Variants in CFAP300 observed in about 807,000 individuals in gnomAD.
The protein encoded by CFAP300 is cilia and flagella associated protein 300.
In CFAP300, 32 loss-of-function variants were observed where a neutral mutation model predicts 33.0. That is an observed-to-expected ratio of 0.97 (90% CI 0.73 to 1.30). The LOEUF is 1.30. CFAP300 is among the 50% of genes most tolerant of loss of function. The pLI is 0.00. For missense variants in CFAP300, 356 were observed against 318.1 expected, an observed-to-expected ratio of 1.12 and a Z score of -0.90; for synonymous variants, 102 against 106.8, an observed-to-expected ratio of 0.95 and a Z score of 0.28.
At chr11:102,060,239 C>G (rs1942129096) in intron 3 of CFAP300, among the ~76,000 whole-genome samples, 1 of 151,500 alleles carries the variant, frequency 6.6e-6, no homozygotes, top group East Asian at 1.9e-4. Context: ...TCCCAAAGTG[C>G]TGAGATTACA....
intron 6 of CFAP300, 88 bp downstream of exon 6, chr11:102,081,369 T>TG: frequency 9.8e-7 from 1 of 1,020,870 alleles, no homozygotes; most frequent in Non-Finnish European, 1.5e-6. Flanking sequence ...ATCAGGACAA[T>TG]GTTATGCCTA....
intron 4 of CFAP300, among the ~76,000 whole-genome samples, chr11:102,074,382 T>C (rs1942366269): frequency 6.6e-6 from 1 of 152,132 alleles, no homozygotes; most frequent in Admixed American, 6.5e-5. Flanking sequence ...GCTGGGGTCT[T>C]TCACTTACCA....
intron 4 of CFAP300, among the ~76,000 whole-genome samples, chr11:102,073,407 G>A (rs894129017): frequency 2.6e-5 from 4 of 152,180 alleles, no homozygotes; most frequent in Admixed American, 2.0e-4. Context: ...GTGGTGGAGG[G>A]GACGGGGCAA....
Position 102,047,525 on chromosome 11 carries a change from C to G in CFAP300, c.55C>G (p.Gln19Glu). 2 of 1,536,018 alleles carry G rather than the reference C, an allele frequency of 1.3e-6. No individual in the cohort carries two copies. The highest frequency in any genetic ancestry group is 1.7e-6 in the Non-Finnish European group (2 of 1,146,804). Residue 19 changes from glutamine (Q) to glutamate (E), a missense_variant, in exon 1 of 7, where the codon CAG (glutamine) becomes GAG (glutamate). Gln to Glu is a conservative substitution (Grantham distance 29). Transcript: ENST00000434758. ...LGGYYFRFLP[Q>E]KTFQSLSSKE... ...TGGCTACTACTTCAGGTTCTTGCCT[C>G]AGAAAACCTTCCAGTCTCTGAGCTC...
chr11:102,071,802 A>G (rs746538778), intron 4 of CFAP300, among the ~76,000 whole-genome samples: 1 of 152,148 alleles, frequency 6.6e-6, no homozygotes, highest in Non-Finnish European at 1.5e-5. Context: ...ACTGGCCTGT[A>G]AGGTTTCTTC....
At chr11:102,050,468 A>G (rs1334294746) in intron 2 of CFAP300, among the ~76,000 whole-genome samples, 1 of 152,234 alleles carries the variant, frequency 6.6e-6, no homozygotes, top group Non-Finnish European at 1.5e-5. Context: ...AAAACAAATT[A>G]TGTTCCAAAA....
chr11:102,066,150 T>G (rs1469576125), intron 3 of CFAP300, among the ~76,000 whole-genome samples: 2 of 152,016 alleles, frequency 1.3e-5, no homozygotes, highest in Non-Finnish European at 1.5e-5. Flanking sequence ...AATTTTTGTA[T>G]TTTTAGTAGA....
rs976935240 is a variant in CFAP300, at chr11:102,083,583, A to G, written c.*384A>G. 6.5e-6 allele frequency: 1 copy of G among 153,506 alleles called. No individual in the cohort carries two copies. Among genetic ancestry groups the G allele is most frequent in the African/African-American group, 2.4e-5 (1 of 41,528 alleles). The allele number at this position is 153,506 out of a possible 1,614,324, so 9.5% of individuals were successfully genotyped here. On this transcript the variant is annotated 3_prime_UTR_variant, in exon 7 of 7. Transcript: ENST00000434758. ...AAACTAAACATGTCTACCACTGATC[A>G]TTAATATGAATTGTTAGTTTATTTA...
chr11:102,076,314 A>G (rs1565397666), intron 5 of CFAP300, among the ~76,000 whole-genome samples: 1 of 152,140 alleles, frequency 6.6e-6, no homozygotes, highest in Non-Finnish European at 1.5e-5. Flanking sequence ...ACAAACTGCC[A>G]TCTTCCAAGC....
rs559970035 is a variant in CFAP300 at position 102,066,743 on chromosome 11, C to T, written c.435+92C>T. On this transcript the variant is annotated intron_variant, in intron 4 of 6. Coordinates refer to ENST00000434758, the MANE Select transcript of CFAP300 (RefSeq NM_032930.3). Reference sequence around the variant, plus strand: ...TTTGCCTGCTTAAAGCATAAAATACCTTGTCATAAAATACCACCTATTTAT... The same window carrying T: ...TTTGCCTGCTTAAAGCATAAAATACTTTGTCATAAAATACCACCTATTTAT... 2,387 of 1,086,124 alleles carry T rather than the reference C, an allele frequency of 2.2e-3. 7 individuals are homozygous for T. Among genetic ancestry groups the T allele is most frequent in the South Asian group, 4.0e-3 (266 of 65,954 alleles). 67.3% of individuals were successfully genotyped at this position (1,086,124 alleles called of 1,614,324 possible). A position where few individuals can be genotyped will look rare whatever the true frequency, so the allele number is the denominator to read the frequency against.
At chr11:102,081,434 T>C (rs1942471608) in intron 6 of CFAP300, 153 bp downstream of exon 6, 1 of 670,432 alleles carries the variant, frequency 1.5e-6, no homozygotes, top group Non-Finnish European at 2.5e-6. Flanking sequence ...TGATAGAGTA[T>C]GCTTTTGTTT....
At position 102,083,274 on chromosome 11, in the gene CFAP300, C is replaced by A. The variant is rs1418681590; in HGVS notation, c.*75C>A. The A allele has an allele frequency of 3.4e-6, 4 of 1,160,668 alleles. No individual in the cohort carries two copies. Among genetic ancestry groups the A allele is most frequent in the African/African-American group, 1.6e-5 (1 of 62,294 alleles). 71.9% of individuals were successfully genotyped at this position (1,160,668 alleles called of 1,614,324 possible). A position where few individuals can be genotyped will look rare whatever the true frequency, so the allele number is the denominator to read the frequency against. ...ATCTTAATACTAACTTATAGATAAA[C>A]ATATACTTTGCAAATTAATTCAAGA... On this transcript the variant is annotated 3_prime_UTR_variant, in exon 7 of 7. Coordinates refer to ENST00000434758, the MANE Select transcript of CFAP300 (RefSeq NM_032930.3).
At chr11:102,067,715 G>A (rs1942249687) in intron 4 of CFAP300, among the ~76,000 whole-genome samples, 1 of 152,094 alleles carries the variant, frequency 6.6e-6, no homozygotes, top group Non-Finnish European at 1.5e-5. Flanking sequence ...TGTCAGCTTG[G>A]ACAACAGAGC....
At chr11:102,059,319 G>A (rs927047472) in intron 3 of CFAP300, among the ~76,000 whole-genome samples, 1 of 148,360 alleles carries the variant, frequency 6.7e-6, no homozygotes, top group Non-Finnish European at 1.5e-5. Flanking sequence ...GTGTGTGTGT[G>A]TGTATGTACT....
intron 3 of CFAP300, among the ~76,000 whole-genome samples, chr11:102,064,113 G>A (rs1321371981): frequency 1.3e-5 from 2 of 152,138 alleles, no homozygotes; most frequent in East Asian, 1.9e-4. Flanking sequence ...TATTTTTTAT[G>A]TCTCAATATA....
At chr11:102,075,158 A>G in intron 4 of CFAP300, among the ~76,000 whole-genome samples, 1 of 152,228 alleles carries the variant, frequency 6.6e-6, no homozygotes, top group East Asian at 1.9e-4. Context: ...TGGAAAAAAT[A>G]TATGTTATAT....
At chr11:102,054,983 CT>C (rs567430596) in intron 2 of CFAP300, among the ~76,000 whole-genome samples, 212 of 143,934 alleles carry the variant, frequency 1.5e-3, no homozygotes, top group Middle Eastern at 7.1e-3. Context: ...GTTTGATATT[CT>C]TTTTTTTTTT....
intron 6 of CFAP300, among the ~76,000 whole-genome samples, chr11:102,082,232 C>T (rs149862708): frequency 0.014 from 2,150 of 151,822 alleles, 14 homozygotes; most frequent in Non-Finnish European, 0.02. Context: ...AAAAATTAGC[C>T]GGGTGTGGTG....
intron 2 of CFAP300, among the ~76,000 whole-genome samples, chr11:102,055,671 C>CTTTTT (rs1264720064): frequency 8.9e-6 from 1 of 112,588 alleles, no homozygotes; most frequent in African/African-American, 3.6e-5. Flanking sequence ...CTAAACTACC[C>CTTTTT]TTTTTTTTTT....
Sources: allele counts gnomAD v4.1 joint callset (sites outside exome capture counted in the v4.1 genomes callset), GRCh38; gene constraint gnomAD v4.1.1; transcripts MANE v1.5; gene names NCBI Gene and HGNC (gene_info 2026-07-23, HGNC 2026-07-21).